SCNN1D: variants seen among roughly 807,000 people sequenced by gnomAD.
The protein encoded by SCNN1D is epithelial sodium channel subunit delta.
Under a neutral mutation model 87.8 loss-of-function variants are expected in SCNN1D, and 104 were observed. That is an observed-to-expected ratio of 1.18 (90% CI 1.01 to 1.39). SCNN1D has a LOEUF of 1.39. Ranked by LOEUF, SCNN1D falls within the 40% of genes most tolerant of loss-of-function variation. SCNN1D has a pLI of 0.00. For missense variants in SCNN1D, 1,324 were observed against 1,093.9 expected, an observed-to-expected ratio of 1.21 and a Z score of -2.97; for synonymous variants, 628 against 481.2, an observed-to-expected ratio of 1.31 and a Z score of -3.99.
At chr1:1,282,695 G>A (rs1640496037) in intron 4 of SCNN1D, among the ~76,000 whole-genome samples, 1 of 151,722 alleles carries the variant, frequency 6.6e-6, no homozygotes, top group Admixed American at 6.6e-5. Context: ...CGTGTGTGAG[G>A]TATTAGCATA....
rs1264035401 is a variant in SCNN1D at position 1,291,899 on chromosome 1, A to G, written c.*289A>G. ...CCATGCTCCGTGTGTCTGTGTCTGC[A>G]TGTCCACACGTCTGATGCACCTGTG... On this transcript the variant is annotated 3_prime_UTR_variant, in exon 18 of 18. Coordinates refer to ENST00000379116, the MANE Select transcript of SCNN1D (RefSeq NM_001130413.4). 6.1e-6 allele frequency: 2 copies of G among 328,498 alleles called. No homozygotes were observed. Among genetic ancestry groups the G allele is most frequent in the Admixed American group, 4.5e-5 (1 of 22,276 alleles). 20.3% of individuals were successfully genotyped at this position (328,498 alleles called of 1,614,324 possible). A position where few individuals can be genotyped will look rare whatever the true frequency, so the allele number is the denominator to read the frequency against.
Position 1,281,330 on chromosome 1 carries a change from C to T in SCNN1D, c.77+33C>T, listed in dbSNP as rs993598415. On this transcript the variant is annotated intron_variant, in intron 2 of 17. Coordinates refer to ENST00000379116, the MANE Select transcript of SCNN1D (RefSeq NM_001130413.4). Reference sequence around the variant, plus strand: ...CACAGCCATGCTCGGTCAATGGGGCCTGGCCGTCTTTCCTGGGAGAGAGCA... The same window carrying T: ...CACAGCCATGCTCGGTCAATGGGGCTTGGCCGTCTTTCCTGGGAGAGAGCA... 15 of 1,535,258 alleles carry T rather than the reference C, an allele frequency of 9.8e-6. No homozygotes were observed. The African/African-American group carries it at 1.8e-4, about 18-fold the overall frequency.
Position 1,290,480 on chromosome 1 carries a change from A to ACT in SCNN1D, c.1785_1786dup (p.Cys596SerfsTer52). 6.2e-7 allele frequency: 1 copy of ACT among 1,612,600 alleles called. No individual in the cohort carries two copies. Among genetic ancestry groups the ACT allele is most frequent in the Non-Finnish European group, 8.5e-7 (1 of 1,179,888 alleles). On this transcript the variant is annotated frameshift_variant, in exon 14 of 18. Transcript: ENST00000379116. LOFTEE classifies it high-confidence loss of function. ...ATGCCTCTGACCCCTCCCCAAGGACACTGCTTCTACCGCCTCTACCAGGAC... is the reference window on the plus strand; with the variant it reads ...ATGCCTCTGACCCCTCCCCAAGGACACTCTGCTTCTACCGCCTCTACCAGGAC...
chr1:1,291,328 G>A lies in SCNN1D; in HGVS notation c.2127G>A (p.Glu709=), dbSNP rs1486290242. 8 of 1,600,698 alleles carry A rather than the reference G, an allele frequency of 5.0e-6. No individual in the cohort carries two copies. The highest frequency in any genetic ancestry group is 6.8e-6 in the Non-Finnish European group (8 of 1,175,126). Residue 709 remains glutamate, a synonymous_variant, in exon 18 of 18, where the codon GAG becomes GAA. Coordinates refer to ENST00000379116, the MANE Select transcript of SCNN1D (RefSeq NM_001130413.4). ...WFGASVLSLL[E]LLELLLDASA... is the part of the protein sequence containing the mutation. Reference sequence around the variant, plus strand: ...GGGCCTCCGTCCTCTCCCTCCTGGAGCTCCTGGAGCTGCTGCTCGATGCTT... The same window carrying A: ...GGGCCTCCGTCCTCTCCCTCCTGGAACTCCTGGAGCTGCTGCTCGATGCTT...
At chr1:1,288,612 TGTCTCTGCTCCGTCC>T (rs1640688595) in intron 12 of SCNN1D, among the ~76,000 whole-genome samples, 1 of 79,236 alleles carries the variant, frequency 1.3e-5, no homozygotes, top group Non-Finnish European at 2.6e-5. Flanking sequence ...CCGTCCCCCG[TGTCTCTGCTCCGTCC>T]CCCGTGTCTC....
chr1:1,290,745 A>C lies in SCNN1D; in HGVS notation c.1917+51A>C, dbSNP rs1570614370. On this transcript the variant is annotated intron_variant, in intron 15 of 17. Transcript: ENST00000379116. The stretch of plus-strand genomic sequence containing the variant: ...GGGTGTGGACAGCCAGGCAGACCCC[A>C]CAGGTCCCACAGAGCCCACCCAAGA... 1.9e-6 allele frequency: 3 copies of C among 1,598,720 alleles called. No homozygotes were observed. The East Asian group carries it at 6.7e-5, about 36-fold the overall frequency.
At chr1:1,281,717 G>A in intron 3 of SCNN1D, 107 bp downstream of exon 3, 1 of 1,030,720 alleles carries the variant, frequency 9.7e-7, no homozygotes, top group South Asian at 1.6e-5. Flanking sequence ...GGCCCTGCAG[G>A]GCATACGGGT....
Position 1,287,615 on chromosome 1 carries a change from C to T in SCNN1D, c.1399+19C>T. ...ACCCACGGTGGGTGCCAGCCCCTGG[C>T]CGGTGCGGGGGCAGGGGTGCAGGTC... On this transcript the variant is annotated intron_variant, in intron 10 of 17. Coordinates refer to ENST00000379116, the MANE Select transcript of SCNN1D (RefSeq NM_001130413.4). The T allele has an allele frequency of 6.2e-7, 1 of 1,608,358 alleles. No homozygotes were observed. The highest frequency in any genetic ancestry group is 1.1e-5 in the South Asian group (1 of 90,770).
chr1:1,291,679 A>C lies in SCNN1D; in HGVS notation c.*69A>C. 1 of 1,291,686 alleles carries C rather than the reference A, an allele frequency of 7.7e-7. No homozygotes were observed. Among genetic ancestry groups the C allele is most frequent in the East Asian group, 2.5e-5 (1 of 40,218 alleles). The allele number at this position is 1,291,686 out of a possible 1,614,324, so 80.0% of individuals were successfully genotyped here. On this transcript the variant is annotated 3_prime_UTR_variant, in exon 18 of 18. Transcript: ENST00000379116. The stretch of plus-strand genomic sequence containing the variant: ...CAGCTGTGGCAGCAGCAGGCTCCCC[A>C]GCGGCCCAGGGTGGGCCAGACCAGC...
Position 1,286,878 on chromosome 1 carries a change from CT to C in SCNN1D, c.1023del (p.Val342SerfsTer19). The C allele has an allele frequency of 1.2e-6, 2 of 1,612,634 alleles. No homozygotes were observed. The highest frequency in any genetic ancestry group is 1.7e-6 in the Non-Finnish European group (2 of 1,179,882). ...AAAGGCAGAGCCGCCCTCTCCGCCA[CT>C]GTCCCCCGCCACGAGCCCCCCTTCC... ...LSKGRAALSA[T>X]VPRHEPPFHL... On this transcript the variant is annotated frameshift_variant, in exon 8 of 18. Transcript: ENST00000379116. LOFTEE classifies it high-confidence loss of function.
Position 1,280,620 on chromosome 1 carries a change from G to A in SCNN1D, c.-42G>A, listed in dbSNP as rs750276986. 1.4e-6 allele frequency: 1 copy of A among 699,164 alleles called. No homozygotes were observed. The highest frequency in any genetic ancestry group is 1.7e-5 in the African/African-American group (1 of 57,188). 43.3% of individuals were successfully genotyped at this position (699,164 alleles called of 1,614,324 possible). A position where few individuals can be genotyped will look rare whatever the true frequency, so the allele number is the denominator to read the frequency against. ...GCTTCTCATCAGACTCAAGGCCTGA[G>A]GTGATGCTGATGCTGTGCCTGAATT... On this transcript the variant is annotated 5_prime_UTR_variant, in exon 1 of 18. Transcript: ENST00000379116.
intron 3 of SCNN1D, 130 bp downstream of exon 3, chr1:1,281,740 G>A: frequency 1.2e-6 from 1 of 839,112 alleles, no homozygotes; most frequent in Non-Finnish European, 1.8e-6. Flanking sequence ...TGGAAGGGGT[G>A]CTCTGCCCCC....
Position 1,286,145 on chromosome 1 carries a change from C to T in SCNN1D, c.778C>T (p.Leu260=). Reference sequence around the variant, plus strand: ...CTGGGGGCTGCTGTCCCTGGGAGCCCTGGTCGCGCTCTGCTGGCAGCTGGG... The same window carrying T: ...CTGGGGGCTGCTGTCCCTGGGAGCCTTGGTCGCGCTCTGCTGGCAGCTGGG... ...TSWGLLSLGA[L]VALCWQLGLL... The change falls in exon 7 of 18, where the codon CTG becomes TTG. Residue 260 remains leucine (L), a synonymous_variant. Transcript: ENST00000379116. The T allele has an allele frequency of 1.2e-6, 2 of 1,609,468 alleles. No individual in the cohort carries two copies. Among genetic ancestry groups the T allele is most frequent in the Non-Finnish European group, 1.7e-6 (2 of 1,179,336 alleles).
intron 5 of SCNN1D, 144 bp from the exon 6 acceptor site, chr1:1,285,426 TG>T: frequency 1.8e-6 from 1 of 564,782 alleles, no homozygotes; most frequent in Non-Finnish European, 3.1e-6. Context: ...CTTGGCTGGA[TG>T]GGCCTGGCAC....
rs556090955 is a variant in SCNN1D, at chr1:1,281,479, C to T, written c.146C>T (p.Thr49Ile). 2.6e-5 allele frequency: 40 copies of T among 1,524,488 alleles called. No individual in the cohort carries two copies. The highest frequency in any genetic ancestry group is 1.2e-4 in the East Asian group (5 of 40,880). 94.4% of individuals were successfully genotyped at this position (1,524,488 alleles called of 1,614,324 possible). A position where few individuals can be genotyped will look rare whatever the true frequency, so the allele number is the denominator to read the frequency against. The change falls in exon 3 of 18, where the codon ACC (threonine) becomes ATC (isoleucine). Residue 49 changes from threonine to isoleucine, a missense_variant. By Grantham distance (89) the Thr-to-Ile change is moderately conservative. Transcript: ENST00000379116. ...CGGGAGCTGGGTTCGCCCCACCCCA[C>T]CCCCTGCACCGGGCCAGCGAGGGGA... is the stretch of plus-strand genomic sequence containing the variant. ...TCRELGSPHPTPCTGPARGWP... is the reference protein window; with the variant it reads ...TCRELGSPHPIPCTGPARGWP...
chr1:1,282,685 C>T (rs1404844489), intron 4 of SCNN1D, among the ~76,000 whole-genome samples: 2 of 150,726 alleles, frequency 1.3e-5, no homozygotes, highest in African/African-American at 2.4e-5. Flanking sequence ...GAGGTCGTAG[C>T]GTGTGTGAGG....
chr1:1,291,147 C>T lies in SCNN1D; in HGVS notation c.2052+7C>T, dbSNP rs1009475982. On this transcript the variant is annotated splice_region_variant and intron_variant, in intron 17 of 17. Transcript: ENST00000379116. ...GGAGGCGCCCGTGTACTCGGTGAGC[C>T]TTGGCCCCCTGCCTGGGCTAGAGCG... The T allele has an allele frequency of 1.2e-6, 2 of 1,610,906 alleles. No homozygotes were observed. The highest frequency in any genetic ancestry group is 1.7e-6 in the Non-Finnish European group (2 of 1,179,184).
rs771421167 is a variant in SCNN1D at position 1,287,222 on chromosome 1, A to G, written c.1233A>G (p.Ala411=). The change falls in exon 9 of 18, where the codon GCA becomes GCG. Residue 411 remains alanine, a synonymous_variant. Coordinates refer to ENST00000379116, the MANE Select transcript of SCNN1D (RefSeq NM_001130413.4). ...ATATCCTGGCCCTGCTGCCCGCGGC[A>G]TGGGAGGACAGCCACGGGAGCCAGG... The part of the protein sequence containing the change: ...YVDILALLPA[A]WEDSHGSQDG... 6.2e-7 allele frequency: 1 copy of G among 1,611,752 alleles called. No individual in the cohort carries two copies. The highest frequency in any genetic ancestry group is 2.2e-5 in the East Asian group (1 of 44,854).
chr1:1,284,586 AGCGTGTGCTGGACCACGGGGGGTGCCG>A (rs1640547634), intron 5 of SCNN1D, among the ~76,000 whole-genome samples: 1 of 149,808 alleles, frequency 6.7e-6, no homozygotes, highest in East Asian at 2.0e-4. Context: ...GGGGGTGCCG[AGCGTGTGCTGGACCACGGGGGGTGCCG>A]AGCGTGTGCT....
Sources: allele counts gnomAD v4.1 joint callset (sites outside exome capture counted in the v4.1 genomes callset), GRCh38; gene constraint gnomAD v4.1.1; transcripts MANE v1.5; gene names NCBI Gene and HGNC (gene_info 2026-07-23, HGNC 2026-07-21).